The following TRPM2 variants were observed in gnomAD, a reference collection of about 807,000 sequenced individuals.
The protein encoded by TRPM2 is transient receptor potential cation channel subfamily M member 2.
A neutral mutation model predicts 174.0 loss-of-function variants in TRPM2; 161 were observed. The observed-to-expected ratio is 0.93, with a 90% CI of 0.81 to 1.05. The LOEUF is 1.05. TRPM2 is among the 50% of genes least tolerant of loss of function. The pLI, the probability that TRPM2 is intolerant of heterozygous loss-of-function variation, is 0.00. For missense variants in TRPM2, 2,057 were observed against 2,038.0 expected (o/e 1.01, Z -0.18); for synonymous variants, 954 against 861.3 (o/e 1.11, Z -1.88).
chr21:44,402,791 C>G (rs2146284988), intron 16 of TRPM2, among the ~76,000 whole-genome samples: 1 of 152,336 alleles, frequency 6.6e-6, no homozygotes, highest in Middle Eastern at 3.4e-3. Context: ...CACCTGCTGG[C>G]AGCCGGTGAA....
chr21:44,353,883 C>A lies in TRPM2; in HGVS notation c.165+18C>A. The A allele has an allele frequency of 1.3e-6, 2 of 1,594,812 alleles. No individual in the cohort carries two copies. The highest frequency in any genetic ancestry group is 2.3e-5 in the South Asian group (2 of 88,166). On this transcript the variant is annotated intron_variant, in intron 1 of 31. Coordinates refer to ENST00000397928, the MANE Select transcript of TRPM2 (RefSeq NM_003307.4). Reference sequence around the variant, plus strand: ...ATGACAAGGTAGGCTTTCTGCTGGTCAGCCTGCAGTTGGCACGTGGCCACG... The same window carrying A: ...ATGACAAGGTAGGCTTTCTGCTGGTAAGCCTGCAGTTGGCACGTGGCCACG...
chr21:44,441,553 A>G lies in TRPM2; in HGVS notation c.4387-139A>G, dbSNP rs1323299915. ...GGTGCATCTCTGGTGCACCTGACGC[A>G]GGGGTCCTGCCTCCCATTTCACAGA... On this transcript the variant is annotated intron_variant, in intron 31 of 31. Transcript: ENST00000397928. The G allele has an allele frequency of 2.5e-6, 3 of 1,204,262 alleles. No individual in the cohort carries two copies. In the African/African-American group the frequency reaches 4.7e-5, roughly 19 times the overall value. The allele number at this position is 1,204,262 out of a possible 1,614,324, so 74.6% of individuals were successfully genotyped here. A position where few individuals can be genotyped will look rare whatever the true frequency, so the allele number is the denominator to read the frequency against.
At chr21:44,355,652 C>T (rs1158279382) in intron 2 of TRPM2, among the ~76,000 whole-genome samples, 7 of 152,062 alleles carry the variant, frequency 4.6e-5, no homozygotes, top group South Asian at 2.1e-4. Flanking sequence ...GGGGCTGGGA[C>T]GAAAGCAGAG....
At chr21:44,359,509 G>A (rs1050537622) in intron 2 of TRPM2, among the ~76,000 whole-genome samples, 5 of 151,242 alleles carry the variant, frequency 3.3e-5, no homozygotes, top group Non-Finnish European at 5.9e-5. Flanking sequence ...AATACGTGGC[G>A]GGGAAACCTG....
At chr21:44,440,100 G>T (rs1466852049) in intron 30 of TRPM2, among the ~76,000 whole-genome samples, 1 of 151,268 alleles carries the variant, frequency 6.6e-6, no homozygotes, top group African/African-American at 2.4e-5. Flanking sequence ...ACTTTGGGAG[G>T]CTGAGGTGGG....
At position 44,401,793 on chromosome 21, in the gene TRPM2, C is replaced by T. The variant is rs889688471; in HGVS notation, c.2434C>T (p.Leu812=). ...CCTCTCCTACTTCGCCTTCCTCTGC[C>T]TGTTCGCCTACGTGCTCATGGTGGA... is the stretch of plus-strand genomic sequence containing the variant. The part of the protein sequence containing the change: ...NILSYFAFLC[L]FAYVLMVDFQ... Residue 812 remains leucine, a synonymous_variant, in exon 16 of 32, where the codon CTG becomes TTG. Transcript: ENST00000397928. The T allele has an allele frequency of 1.9e-5, 30 of 1,613,912 alleles. No individual in the cohort carries two copies. Among genetic ancestry groups the T allele is most frequent in the Non-Finnish European group, 2.5e-5 (29 of 1,180,028 alleles).
intron 19 of TRPM2, among the ~76,000 whole-genome samples, chr21:44,408,024 C>T (rs1785456): frequency 0.71 from 107,276 of 151,638 alleles, 38,495 homozygotes; most frequent in East Asian, 0.77. Flanking sequence ...TGGCTCACTG[C>T]GACCTCCACC....
chr21:44,383,933 A>G (rs979953987), intron 9 of TRPM2, among the ~76,000 whole-genome samples: 3 of 152,244 alleles, frequency 2.0e-5, no homozygotes, highest in Non-Finnish European at 4.4e-5. Context: ...ACCTAACTTT[A>G]CAACTTAAGT....
intron 2 of TRPM2, among the ~76,000 whole-genome samples, chr21:44,362,383 C>T (rs1208260179): frequency 1.4e-5 from 2 of 145,790 alleles, no homozygotes; most frequent in Non-Finnish European, 3.0e-5. Flanking sequence ...GTGGTGATGG[C>T]CGCCTGTGGT....
In TRPM2 at chr21:44,432,098, G is replaced by A. The variant is rs1390132550; in HGVS notation, c.3975-3033G>A. Among the ~76,000 whole-genome samples the A allele has an allele frequency of 6.6e-6, 1 of 152,218 alleles. No individual in the cohort carries two copies. The highest frequency in any genetic ancestry group is 1.5e-5 in the Non-Finnish European group (1 of 68,040). On this transcript the variant is annotated intron_variant, in intron 27 of 31. Transcript: ENST00000397928. The surrounding 1 kb of genome is among the most constrained non-coding windows in gnomAD (Gnocchi z 4.9). ...CTGGTATAGGAGTGACTGTCCCCAC[G>A]TCTGTCTGGGGCCAGCCCCCTCACT...
chr21:44,371,569 G>C (rs2048543631), intron 5 of TRPM2, among the ~76,000 whole-genome samples: 1 of 152,092 alleles, frequency 6.6e-6, no homozygotes, highest in South Asian at 2.1e-4. Flanking sequence ...TTCTCTGTGT[G>C]CCTGTGTCAA....
chr21:44,385,499 T>C (rs566145797), intron 9 of TRPM2, among the ~76,000 whole-genome samples: 1 of 152,352 alleles, frequency 6.6e-6, no homozygotes, highest in African/African-American at 2.4e-5. Flanking sequence ...ATGCATACTT[T>C]CACCACTTCC....
At position 44,399,467 on chromosome 21, in the gene TRPM2, A is replaced by G; in HGVS notation, c.2208+26A>G. The G allele has an allele frequency of 6.2e-7, 1 of 1,600,842 alleles. No homozygotes were observed. Among genetic ancestry groups the G allele is most frequent in the Non-Finnish European group, 8.5e-7 (1 of 1,173,306 alleles). On this transcript the variant is annotated intron_variant, in intron 14 of 31. Coordinates refer to ENST00000397928, the MANE Select transcript of TRPM2 (RefSeq NM_003307.4). The surrounding 1 kb of genome is among the most constrained non-coding windows in gnomAD (Gnocchi z 4.6). ...GTGACCTCCCAAGAGCCCCTTCCAGAAACAGACGCCTGTGGTGCCTGCAGG... is the reference window on the plus strand; with the variant it reads ...GTGACCTCCCAAGAGCCCCTTCCAGGAACAGACGCCTGTGGTGCCTGCAGG...
intron 21 of TRPM2, 88 bp from the exon 22 acceptor site, chr21:44,418,335 T>C: frequency 6.4e-7 from 1 of 1,552,126 alleles, no homozygotes; most frequent in Non-Finnish European, 8.7e-7. Flanking sequence ...ACTGGCCCCC[T>C]CCCACGGGGC....
Position 44,374,562 on chromosome 21 carries a change from C to A in TRPM2, c.772-1271C>A, listed in dbSNP as rs577085128. Among the ~76,000 whole-genome samples, 1,130 of 152,224 alleles carry A rather than the reference C, an allele frequency of 7.4e-3. 6 individuals are homozygous for A. The highest frequency in any genetic ancestry group is 0.014 in the South Asian group (68 of 4,830). ...CTTGTTTTCCTGCAGCTAGACGGTC[C>A]CATCATCTGGGGGTGATGGGGGACA... is the stretch of plus-strand genomic sequence containing the variant. On this transcript the variant is annotated intron_variant, in intron 5 of 31. Coordinates refer to ENST00000397928, the MANE Select transcript of TRPM2 (RefSeq NM_003307.4).
rs528395119 is a variant in TRPM2 at position 44,400,411 on chromosome 21, G to A, written c.2321+40G>A. The A allele has an allele frequency of 3.7e-5, 57 of 1,560,894 alleles. No homozygotes were observed. In the Admixed American group the frequency reaches 6.6e-4, roughly 18 times the overall value. ...CGGGGCTGCGGGACTGTGGGGCTGC[G>A]GGGCTGCGGGAGAGGCTCCTGGGGG... is the stretch of plus-strand genomic sequence containing the variant. On this transcript the variant is annotated intron_variant, in intron 15 of 31. Transcript: ENST00000397928.
At position 44,369,350 on chromosome 21, in the gene TRPM2, G is replaced by A; in HGVS notation, c.771+7G>A. 6.2e-7 allele frequency: 1 copy of A among 1,605,114 alleles called. No homozygotes were observed. Among genetic ancestry groups the A allele is most frequent in the East Asian group, 2.2e-5 (1 of 44,774 alleles). On this transcript the variant is annotated splice_region_variant and intron_variant, in intron 5 of 31. Coordinates refer to ENST00000397928, the MANE Select transcript of TRPM2 (RefSeq NM_003307.4). ...GGGCCTGATCCATCCCACGGTGAGT[G>A]CGGCCCCCTAGGGAGGGGAGCCTAA...
chr21:44,434,539 C>T (rs2051159653), intron 27 of TRPM2, among the ~76,000 whole-genome samples: 1 of 152,076 alleles, frequency 6.6e-6, no homozygotes, highest in Non-Finnish European at 1.5e-5. Context: ...GGTACATTCA[C>T]AGGAAATCGC....
intron 27 of TRPM2, among the ~76,000 whole-genome samples, chr21:44,429,533 C>T (rs530774059): frequency 1.4e-4 from 21 of 151,976 alleles, no homozygotes; most frequent in African/African-American, 3.1e-4. Context: ...GTGATCCACT[C>T]GCCTCAGCCT....
Sources: gnomAD v4.1 joint callset for allele counts (sites outside exome capture counted in the v4.1 genomes callset) on GRCh38, gnomAD v4.1.1 for gene constraint, Gnocchi (gnomAD v3.1) non-coding constraint, MANE v1.5 for transcripts, NCBI Gene and HGNC (gene_info 2026-07-23, HGNC 2026-07-21) for gene names.